The following HS6ST3 variants were observed in gnomAD, a reference collection of about 807,000 sequenced individuals.
The protein encoded by HS6ST3 is heparan sulfate 6-O-sulfotransferase 3, also known as heparan-sulfate 6-O-sulfotransferase 3.
Under a neutral mutation model 36.7 loss-of-function variants are expected in HS6ST3, and 12 were observed. The observed-to-expected ratio is 0.33, with a 90% CI of 0.21 to 0.53. The LOEUF is 0.53. HS6ST3 is among the 20% of genes least tolerant of loss of function. The probability of loss-of-function intolerance (pLI) is 0.95; values close to 1 mark genes in which losing one functional copy is unlikely to be tolerated. For synonymous variants in HS6ST3, 240 were observed against 257.5 expected, an observed-to-expected ratio of 0.93 and a Z score of 0.65; for missense variants, 584 against 640.9, an observed-to-expected ratio of 0.91 and a Z score of 0.96.
At chr13:96,324,882 T>C (rs945680458) in intron 1 of HS6ST3, among the ~76,000 whole-genome samples, 1 of 152,212 alleles carries the variant, frequency 6.6e-6, no homozygotes, top group African/African-American at 2.4e-5. Context: ...TCCAGAACTG[T>C]GAGACAATCC....
rs545434345 is a variant in HS6ST3 at position 96,836,311 on chromosome 13, A to G, written c.*3113A>G. 1 of 152,336 alleles carries G rather than the reference A, an allele frequency of 6.6e-6. No homozygotes were observed. The highest frequency in any genetic ancestry group is 1.9e-4 in the East Asian group (1 of 5,182). The allele number at this position is 152,336 out of a possible 1,614,324, so 9.4% of individuals were successfully genotyped here. A position where few individuals can be genotyped will look rare whatever the true frequency, so the allele number is the denominator to read the frequency against. The stretch of plus-strand genomic sequence containing the variant: ...CCAGATTGGAGATTAGGATGAGACA[A>G]CTTTGTGTATATGTGCACGTGTGTG... On this transcript the variant is annotated 3_prime_UTR_variant, in exon 2 of 2. Transcript: ENST00000376705.
chr13:96,669,453 C>T lies in HS6ST3; in HGVS notation c.708-163037C>T, dbSNP rs570701839. Among the ~76,000 whole-genome samples, 3 of 152,220 alleles carry T rather than the reference C, an allele frequency of 2.0e-5. No homozygotes were observed. In the South Asian group the frequency reaches 6.2e-4, roughly 32 times the overall value. On this transcript the variant is annotated intron_variant, in intron 1 of 1. Transcript: ENST00000376705. ...AAGCACTTGGAGGGAAAATGCTGCA[C>T]CTTCCTCAATGGCCCATTTTTCTAG...
At chr13:96,390,898 C>T (rs1437735977) in intron 1 of HS6ST3, among the ~76,000 whole-genome samples, 12 of 152,148 alleles carry the variant, frequency 7.9e-5, no homozygotes, top group Non-Finnish European at 1.2e-4. Flanking sequence ...TCTAAATTTC[C>T]AAACACTCCA....
intron 1 of HS6ST3, among the ~76,000 whole-genome samples, chr13:96,731,351 C>G (rs1429767387): frequency 6.6e-6 from 1 of 152,088 alleles, no homozygotes; most frequent in Non-Finnish European, 1.5e-5. Flanking sequence ...CTTTCTGTGC[C>G]TGGTTTATTT....
At chr13:96,282,244 G>T (rs1216276955) in intron 1 of HS6ST3, among the ~76,000 whole-genome samples, 3 of 152,210 alleles carry the variant, frequency 2.0e-5, no homozygotes, top group African/African-American at 7.2e-5. Context: ...TCTGGAGTCG[G>T]TATCCCATGA....
chr13:96,638,091 T>C (rs1440703285), intron 1 of HS6ST3, among the ~76,000 whole-genome samples: 1 of 152,118 alleles, frequency 6.6e-6, no homozygotes, highest in Non-Finnish European at 1.5e-5. Context: ...CAGAGAGGAT[T>C]CCTACTACTT....
At chr13:96,827,995 AT>A (rs1878684603) in intron 1 of HS6ST3, among the ~76,000 whole-genome samples, 1 of 152,210 alleles carries the variant, frequency 6.6e-6, no homozygotes, top group South Asian at 2.1e-4. Context: ...ACACAACTTT[AT>A]CATCAGTACT....
At chr13:96,192,601 G>GATAT (rs5805955) in intron 1 of HS6ST3, among the ~76,000 whole-genome samples, 14 of 147,592 alleles carry the variant, frequency 9.5e-5, no homozygotes, top group Admixed American at 6.8e-4. Flanking sequence ...CCATGGGATG[G>GATAT]ATATATATAT....
At chr13:96,734,978 T>C (rs1165337560) in intron 1 of HS6ST3, among the ~76,000 whole-genome samples, 1 of 152,110 alleles carries the variant, frequency 6.6e-6, no homozygotes, top group Non-Finnish European at 1.5e-5. Context: ...ACTCTGGCAT[T>C]CTCCCCAAAA....
intron 1 of HS6ST3, among the ~76,000 whole-genome samples, chr13:96,611,052 C>T (rs1273460104): frequency 6.6e-6 from 1 of 150,444 alleles, no homozygotes; most frequent in Non-Finnish European, 1.5e-5. Context: ...TTCAGTGTTA[C>T]CTTTCTTTTC....
At chr13:96,725,848 A>AT (rs968846767) in intron 1 of HS6ST3, among the ~76,000 whole-genome samples, 17 of 150,832 alleles carry the variant, frequency 1.1e-4, no homozygotes, top group Admixed American at 9.9e-4. Context: ...ATTTGTTTTT[A>AT]TTTTTTTAGA....
At chr13:96,255,920 A>G (rs988175657) in intron 1 of HS6ST3, among the ~76,000 whole-genome samples, 2 of 152,324 alleles carry the variant, frequency 1.3e-5, no homozygotes, top group South Asian at 2.1e-4. Context: ...TATGTATGTC[A>G]TTAAATAATT....
intron 1 of HS6ST3, among the ~76,000 whole-genome samples, chr13:96,800,395 A>G (rs1380615448): frequency 6.6e-6 from 1 of 151,780 alleles, no homozygotes; most frequent in East Asian, 1.9e-4. Flanking sequence ...GTCCCAAAGC[A>G]TTTATACTAC....
At chr13:96,219,745 G>A (rs775974040) in intron 1 of HS6ST3, among the ~76,000 whole-genome samples, 10 of 152,034 alleles carry the variant, frequency 6.6e-5, no homozygotes, top group South Asian at 2.1e-4. Context: ...GTGCAGTGGC[G>A]TGATCTTGGC....
intron 1 of HS6ST3, among the ~76,000 whole-genome samples, chr13:96,828,576 T>C (rs1281823564): frequency 6.6e-6 from 1 of 152,212 alleles, no homozygotes; most frequent in Admixed American, 6.5e-5. Context: ...CAAGATAATC[T>C]TGGGCAGCTT....
At position 96,309,342 on chromosome 13, in the gene HS6ST3, A is replaced by G. The variant is rs151199985; in HGVS notation, c.707+217773A>G. 1.1e-3 allele frequency among the ~76,000 whole-genome samples: 171 copies of G among 152,276 alleles called. 1 individual carries two copies. The highest frequency in any genetic ancestry group is 3.8e-3 in the African/African-American group (158 of 41,584). On this transcript the variant is annotated intron_variant, in intron 1 of 1. Transcript: ENST00000376705. ...AATTGAATGGTGATAATCAACATCA[A>G]TGATGATAAAAATGACTTGGTTTCT...
intron 1 of HS6ST3, among the ~76,000 whole-genome samples, chr13:96,355,905 T>C (rs2055207931): frequency 6.6e-6 from 1 of 152,080 alleles, no homozygotes; most frequent in African/African-American, 2.4e-5. Flanking sequence ...CATAACTAAG[T>C]TTATGTAATA....
At chr13:96,491,471 G>GC (rs2055945158) in intron 1 of HS6ST3, among the ~76,000 whole-genome samples, 1 of 44,324 alleles carries the variant, frequency 2.3e-5, no homozygotes. Context: ...GTACTAATGT[G>GC]CAAAAAAAAA....
At chr13:96,829,746 T>C (rs1245563342) in intron 1 of HS6ST3, among the ~76,000 whole-genome samples, 3 of 152,216 alleles carry the variant, frequency 2.0e-5, no homozygotes, top group African/African-American at 7.2e-5. Flanking sequence ...ATGATCATCA[T>C]TGATGAGCAT....
Sources: gnomAD v4.1 joint callset for allele counts (sites outside exome capture counted in the v4.1 genomes callset) on GRCh38, gnomAD v4.1.1 for gene constraint, MANE v1.5 for transcripts, NCBI Gene and HGNC (gene_info 2026-07-23, HGNC 2026-07-21) for gene names.